The following FER1L6 variants were observed in gnomAD, a reference collection of about 807,000 sequenced individuals.
The protein encoded by FER1L6 is fer-1-like protein 6.
A neutral mutation model predicts 219.2 loss-of-function variants in FER1L6; 177 were observed. That is an observed-to-expected ratio of 0.81 (90% CI 0.71 to 0.91). The LOEUF (loss-of-function observed/expected upper bound fraction) is 0.91, where lower values mean the gene tolerates loss of function less well. Ranked by LOEUF, FER1L6 falls within the 40% of genes least tolerant of loss-of-function variation. The pLI is 0.00. For synonymous variants in FER1L6, 768 were observed against 824.3 expected, an observed-to-expected ratio of 0.93 and a Z score of 1.17; for missense variants, 2,153 against 2,259.9, an observed-to-expected ratio of 0.95 and a Z score of 0.96.
At chr8:124,042,614 C>G (rs1231531185) in intron 20 of FER1L6, among the ~76,000 whole-genome samples, 1 of 152,220 alleles carries the variant, frequency 6.6e-6, no homozygotes, top group Non-Finnish European at 1.5e-5. Context: ...TGTTTCACTT[C>G]TGCGCTAACA....
intron 12 of FER1L6, among the ~76,000 whole-genome samples, chr8:123,991,360 T>C (rs1816844796): frequency 6.6e-6 from 1 of 152,242 alleles, no homozygotes; most frequent in Non-Finnish European, 1.5e-5. Flanking sequence ...TGTTTCCATT[T>C]GTGTCATCTA....
chr8:124,000,257 G>T (rs1363721505), intron 12 of FER1L6, among the ~76,000 whole-genome samples: 2 of 152,184 alleles, frequency 1.3e-5, no homozygotes, highest in Admixed American at 6.5e-5. Context: ...GGATGGAGAA[G>T]AATGAATCAC....
At chr8:124,007,503 C>A (rs878939157) in intron 13 of FER1L6, among the ~76,000 whole-genome samples, 1 of 152,180 alleles carries the variant, frequency 6.6e-6, no homozygotes. Flanking sequence ...ATTTCTCCCC[C>A]TTTAGCTACC....
chr8:123,970,106 A>C lies in FER1L6; in HGVS notation c.447+9A>C, dbSNP rs917790474. ...AGATCATCAAAATCTCCGTAAGTAT[A>C]GCATTGGTGGTAATAGTTGTGGAGA... On this transcript the variant is annotated intron_variant, in intron 6 of 40. Coordinates refer to ENST00000522917, the MANE Select transcript of FER1L6 (RefSeq NM_001039112.2). 6.2e-7 allele frequency: 1 copy of C among 1,612,882 alleles called. No homozygotes were observed.
At chr8:124,000,287 GT>G (rs1188397819) in intron 12 of FER1L6, among the ~76,000 whole-genome samples, 1 of 152,288 alleles carries the variant, frequency 6.6e-6, no homozygotes, top group East Asian at 1.9e-4. Context: ...ATTCAAGACT[GT>G]TTTTCCTACC....
At chr8:124,023,731 G>A (rs1267016484) in intron 18 of FER1L6, 135 bp downstream of exon 18, 2 of 847,626 alleles carry the variant, frequency 2.4e-6, no homozygotes, top group Non-Finnish European at 3.4e-6. Flanking sequence ...AGAACACCTT[G>A]GTGCCTCTTG....
At chr8:123,998,781 A>G (rs1817265388) in intron 12 of FER1L6, among the ~76,000 whole-genome samples, 1 of 152,266 alleles carries the variant, frequency 6.6e-6, no homozygotes, top group African/African-American at 2.4e-5. Context: ...GCAAGACAAC[A>G]TTCTTTCCAC....
chr8:123,869,940 A>G (rs945027029), intron 1 of FER1L6, among the ~76,000 whole-genome samples: 14 of 152,362 alleles, frequency 9.2e-5, no homozygotes, highest in African/African-American at 3.4e-4. Flanking sequence ...AGGCAATTGG[A>G]TAGAGAAAGA....
Position 124,017,714 on chromosome 8 carries a change from A to G in FER1L6, c.2009A>G (p.Glu670Gly). ...DKKRLTLCWQELEAMCKEAKG... is the reference protein window; with the variant it reads ...DKKRLTLCWQGLEAMCKEAKG... The stretch of plus-strand genomic sequence containing the variant: ...AAGCGACTTACGCTCTGCTGGCAGG[A>G]GCTGGTATGTGAAAATCTATTTATA... Residue 670 changes from glutamate (E) to glycine (G), a missense_variant, in exon 16 of 41, where the codon GAG (glutamate) becomes GGG (glycine). By Grantham distance (98) the Glu-to-Gly change is moderately conservative (BLOSUM62 -2). Coordinates refer to ENST00000522917, the MANE Select transcript of FER1L6 (RefSeq NM_001039112.2). The G allele has an allele frequency of 1.2e-6, 2 of 1,612,488 alleles. No homozygotes were observed.
intron 22 of FER1L6, 59 bp from the exon 23 acceptor site, chr8:124,060,121 G>T (rs1002641391): frequency 2.4e-6 from 3 of 1,255,140 alleles, no homozygotes; most frequent in East Asian, 4.6e-5. Flanking sequence ...TGGTTGTGTG[G>T]CACTGTTGCC....
At position 124,097,902 on chromosome 8, in the gene FER1L6, T is replaced by C; in HGVS notation, c.4883+19T>C. On this transcript the variant is annotated intron_variant, in intron 37 of 40. Transcript: ENST00000522917. The stretch of plus-strand genomic sequence containing the variant: ...TGAAAGGGTAAGGTTATCAACAAAC[T>C]CCAACCTCCCATTTCCTTCCCTCCT... The C allele has an allele frequency of 1.6e-6, 2 of 1,270,534 alleles. No homozygotes were observed. The highest frequency in any genetic ancestry group is 2.3e-6 in the Non-Finnish European group (2 of 866,852). 78.7% of individuals were successfully genotyped at this position (1,270,534 alleles called of 1,614,324 possible). A position where few individuals can be genotyped will look rare whatever the true frequency, so the allele number is the denominator to read the frequency against.
rs1212863537 is a variant in FER1L6, at chr8:124,056,321, C to T, written c.2875-3859C>T. ...CTATTTGGTCTATGTGGCTGGCCTC[C>T]CCTACGGTTGTGCACTGTGCAGCCT... On this transcript the variant is annotated intron_variant, in intron 22 of 40. Transcript: ENST00000522917. 2.6e-5 allele frequency among the ~76,000 whole-genome samples: 4 copies of T among 152,192 alleles called. No homozygotes were observed. In the East Asian group the frequency reaches 7.7e-4, roughly 29 times the overall value.
intron 1 of FER1L6, among the ~76,000 whole-genome samples, chr8:123,916,784 C>T (rs1227602682): frequency 6.6e-6 from 1 of 152,130 alleles, no homozygotes; most frequent in Non-Finnish European, 1.5e-5. Context: ...CACTGAGTGC[C>T]CTTCTGACAG....
intron 1 of FER1L6, among the ~76,000 whole-genome samples, chr8:123,921,424 G>A (rs1210749312): frequency 3.3e-5 from 5 of 152,070 alleles, no homozygotes; most frequent in Non-Finnish European, 5.9e-5. Context: ...GAGTGCAGTC[G>A]TGCCATCTTG....
intron 11 of FER1L6, 63 bp downstream of exon 11, chr8:123,980,874 CT>C: frequency 1.5e-6 from 2 of 1,363,476 alleles, no homozygotes; most frequent in Non-Finnish European, 2.0e-6. Context: ...GGGACTGCCC[CT>C]GCCACAGGTT....
intron 38 of FER1L6, among the ~76,000 whole-genome samples, chr8:124,102,694 T>C (rs1157363472): frequency 6.6e-6 from 1 of 152,162 alleles, no homozygotes; most frequent in East Asian, 1.9e-4. Flanking sequence ...GGAGAGTAGA[T>C]ACAAAGACAA....
At chr8:123,939,395 G>T (rs1467370234) in intron 1 of FER1L6, among the ~76,000 whole-genome samples, 2 of 152,164 alleles carry the variant, frequency 1.3e-5, no homozygotes, top group African/African-American at 2.4e-5. Context: ...CCAAGATCTG[G>T]ATTAGAGTGC....
intron 1 of FER1L6, among the ~76,000 whole-genome samples, chr8:123,921,424 G>GTGCC (rs1262974635): frequency 6.6e-6 from 1 of 152,070 alleles, no homozygotes; most frequent in African/African-American, 2.4e-5. Flanking sequence ...GAGTGCAGTC[G>GTGCC]TGCCATCTTG....
At chr8:124,085,349 G>A (rs1259537071) in intron 33 of FER1L6, among the ~76,000 whole-genome samples, 1 of 151,952 alleles carries the variant, frequency 6.6e-6, no homozygotes, top group Non-Finnish European at 1.5e-5. Context: ...CTTTTTTGAT[G>A]TGGGTGCTTA....
Sources: gnomAD v4.1 joint callset for allele counts (sites outside exome capture counted in the v4.1 genomes callset) on GRCh38, gnomAD v4.1.1 for gene constraint, MANE v1.5 for transcripts, NCBI Gene and HGNC (gene_info 2026-07-23, HGNC 2026-07-21) for gene names.